The following ZNF692 variants were observed in gnomAD, a reference collection of about 807,000 sequenced individuals.
ZNF692 encodes the protein zinc finger protein 692.
A neutral mutation model predicts 49.0 loss-of-function variants in ZNF692; 41 were observed. The ratio of observed to expected loss-of-function variants is 0.84; its 90% confidence interval spans 0.65 to 1.08. ZNF692 has a LOEUF of 1.08. Among genes scored for constraint, ZNF692 ranks in the 50% least tolerant of loss-of-function variants. The pLI is 0.00. For synonymous variants in ZNF692, 288 were observed against 251.5 expected (o/e 1.15, Z -1.37); for missense variants, 662 against 662.2 (o/e 1.00, Z 0.00).
At chr1:248,856,055 A>G (rs1660196707) in intron 6 of ZNF692, 109 bp from the exon 7 acceptor site, 1 of 1,281,540 alleles carries the variant, frequency 7.8e-7, no homozygotes, top group Middle Eastern at 2.6e-4. Context: ...AAACAACCCT[A>G]CCCCCACCCT....
chr1:248,857,728 C>T (rs994973380), intron 3 of ZNF692, 100 bp downstream of exon 3: 24 of 1,536,074 alleles, frequency 1.6e-5, no homozygotes, highest in Admixed American at 7.9e-5. Flanking sequence ...CCCCACCCTT[C>T]CCAAACTTAC....
At chr1:248,856,687 T>C in intron 4 of ZNF692, 125 bp from the exon 5 acceptor site, 1 of 1,198,558 alleles carries the variant, frequency 8.3e-7, no homozygotes, top group Non-Finnish European at 1.2e-6. Flanking sequence ...GGGGTCTCAC[T>C]ATGTTGCCCA....
Position 248,856,390 on chromosome 1 carries a change from G to T in ZNF692, c.557C>A (p.Pro186His). ...TTCCTCACCCTCTTCCTCTCCTGGAGGTGGGAAGGTCTCTGGTGGGGGTCC... is the reference window on the plus strand; with the variant it reads ...TTCCTCACCCTCTTCCTCTCCTGGATGTGGGAAGGTCTCTGGTGGGGGTCC... ...RVGPPPETFP[P>H]PGEEEGEEEE... Residue 186 changes from proline (P) to histidine (H), a missense_variant, in exon 6 of 12, where the codon CCT (proline) becomes CAT (histidine). Physicochemically the swap from Pro to His is moderately conservative, Grantham distance 77. Transcript: ENST00000306601. 6.2e-7 allele frequency: 1 copy of T among 1,612,998 alleles called. No homozygotes were observed. The highest frequency in any genetic ancestry group is 8.5e-7 in the Non-Finnish European group (1 of 1,179,336).
intron 4 of ZNF692, 61 bp downstream of exon 4, chr1:248,857,173 A>G: frequency 6.6e-7 from 1 of 1,506,618 alleles, no homozygotes; most frequent in Non-Finnish European, 9.0e-7. Context: ...GTTCTGAGCT[A>G]CAGAAAATGG....
Position 248,850,406 on chromosome 1 carries a change from T to C in ZNF692, c.1364A>G (p.Lys455Arg). 2 of 1,614,190 alleles carry C rather than the reference T, an allele frequency of 1.2e-6. No homozygotes were observed. The highest frequency in any genetic ancestry group is 1.7e-6 in the Non-Finnish European group (2 of 1,180,012). ...ALRFPCEFCG[K>R]RFEKPDSVAA... The stretch of plus-strand genomic sequence containing the variant: ...AACACTGTCTGGCTTCTCAAAGCGC[T>C]TGCCGCAGAATTCACAGGGGAAGCG... Residue 455 changes from lysine to arginine, a missense_variant, in exon 12 of 12, where the codon AAG becomes AGG. Coordinates refer to ENST00000306601, the MANE Select transcript of ZNF692 (RefSeq NM_017865.4).
rs1342781052 is a variant in ZNF692 at position 248,850,672 on chromosome 1, C to G, written c.1253+10G>C. Reference sequence around the variant, plus strand: ...AGCCCCTGGCCCTCAGACCCCACCCCAGCACTCACTGCAGGGGTTTTTCTC... The same window carrying G: ...AGCCCCTGGCCCTCAGACCCCACCCGAGCACTCACTGCAGGGGTTTTTCTC... On this transcript the variant is annotated intron_variant, in intron 11 of 11. Transcript: ENST00000306601. The G allele has an allele frequency of 6.2e-7, 1 of 1,614,064 alleles. No individual in the cohort carries two copies. The highest frequency in any genetic ancestry group is 1.7e-5 in the Admixed American group (1 of 60,026).
intron 10 of ZNF692, 56 bp downstream of exon 10, chr1:248,853,881 G>T: frequency 7.2e-7 from 1 of 1,395,464 alleles, no homozygotes; most frequent in Non-Finnish European, 1.0e-6. Flanking sequence ...AGGGTGACGG[G>T]ACCCACAAAG....
intron 4 of ZNF692, 93 bp downstream of exon 4, chr1:248,857,141 A>T (rs890967437): frequency 7.6e-7 from 1 of 1,318,110 alleles, no homozygotes; most frequent in Non-Finnish European, 1.0e-6. Flanking sequence ...CCATTGAAAA[A>T]GGATCATTTT....
intron 10 of ZNF692, among the ~76,000 whole-genome samples, chr1:248,851,153 T>C (rs1157125425): frequency 2.0e-5 from 3 of 152,106 alleles, no homozygotes; most frequent in Non-Finnish European, 4.4e-5. Flanking sequence ...TTGAAGGCAG[T>C]GGGCAGCAGC....
chr1:248,851,203 A>C (rs1659545717), intron 10 of ZNF692, among the ~76,000 whole-genome samples: 1 of 152,096 alleles, frequency 6.6e-6, no homozygotes, highest in Non-Finnish European at 1.5e-5. Context: ...ATTAGGATTG[A>C]AGCTCAAGGC....
Position 248,858,840 on chromosome 1 carries a change from G to C in ZNF692, c.-13+78C>G, listed in dbSNP as rs1660563635. ...CACCCCCACTTAATGCTGACAGTGA[G>C]TGGAGCGGACTAATCCCAATGGCAG... On this transcript the variant is annotated intron_variant, in intron 1 of 11. Transcript: ENST00000306601. This position sits in a 1 kb window ranked among gnomAD's most constrained non-coding sequence, Gnocchi z 4.3. 3.9e-6 allele frequency: 2 copies of C among 513,492 alleles called. No individual in the cohort carries two copies. Among genetic ancestry groups the C allele is most frequent in the Non-Finnish European group, 7.1e-6 (2 of 280,986 alleles). The allele number at this position is 513,492 out of a possible 1,614,324, so 31.8% of individuals were successfully genotyped here. A position where few individuals can be genotyped will look rare whatever the true frequency, so the allele number is the denominator to read the frequency against.
At chr1:248,851,681 C>T (rs903642153) in intron 10 of ZNF692, among the ~76,000 whole-genome samples, 5 of 152,126 alleles carry the variant, frequency 3.3e-5, no homozygotes, top group Non-Finnish European at 7.4e-5. Flanking sequence ...CCCTCTGTTC[C>T]CTCACCTCAC....
rs143276057 is a variant in ZNF692 at position 248,857,434 on chromosome 1, C to A, written c.275G>T (p.Arg92Leu). ...YLVLLSHAHSRECSLVPGLRG... is the reference protein window; with the variant it reads ...YLVLLSHAHSLECSLVPGLRG... ...AAGCCCGGGCACCAGGCTGCACTCTCGGCTGTGGGCATGAGACAAGAGCAC... is the reference window on the plus strand; with the variant it reads ...AAGCCCGGGCACCAGGCTGCACTCTAGGCTGTGGGCATGAGACAAGAGCAC... Residue 92 changes from arginine (R) to leucine (L), a missense_variant, in exon 4 of 12, where the codon CGA becomes CTA. Coordinates refer to ENST00000306601, the MANE Select transcript of ZNF692 (RefSeq NM_017865.4). 6.2e-7 allele frequency: 1 copy of A among 1,614,056 alleles called. No homozygotes were observed. Among genetic ancestry groups the A allele is most frequent in the Non-Finnish European group, 8.5e-7 (1 of 1,180,014 alleles).
At position 248,857,897 on chromosome 1, in the gene ZNF692, G is replaced by A. The variant is rs756760174; in HGVS notation, c.180-38C>T. On this transcript the variant is annotated intron_variant, in intron 2 of 11. Coordinates refer to ENST00000306601, the MANE Select transcript of ZNF692 (RefSeq NM_017865.4). ...GAAGAGGCAGGTCAGGACTCAGGTGGCCAGCCACCCTCAGCCCTGGGCACT... is the reference window on the plus strand; with the variant it reads ...GAAGAGGCAGGTCAGGACTCAGGTGACCAGCCACCCTCAGCCCTGGGCACT... The A allele has an allele frequency of 5.2e-5, 83 of 1,610,052 alleles. 1 individual carries two copies. The Middle Eastern group carries it at 2.6e-3, about 51-fold the overall frequency.
rs774744998 is a variant in ZNF692, at chr1:248,850,778, G to A, written c.1157C>T (p.Thr386Ile). The stretch of plus-strand genomic sequence containing the variant: ...GCAGAACTCACAGATGTAGTCCCGG[G>A]TGTCTGCAGGCATATGAGGGACACT... ...LKEHMKLHSD[T>I]RDYICEFCAR... Residue 386 changes from threonine (T) to isoleucine (I), a missense_variant, in exon 11 of 12, where the codon ACC becomes ATC. By Grantham distance (89) the Thr-to-Ile change is moderately conservative. Transcript: ENST00000306601. 1.2e-6 allele frequency: 2 copies of A among 1,614,056 alleles called. No homozygotes were observed. The highest frequency in any genetic ancestry group is 1.7e-6 in the Non-Finnish European group (2 of 1,179,982).
At chr1:248,857,658 A>G in intron 3 of ZNF692, 161 bp from the exon 4 acceptor site, 1 of 1,466,984 alleles carries the variant, frequency 6.8e-7, no homozygotes, top group Non-Finnish European at 9.0e-7. Context: ...ATCCTGAGAC[A>G]TTGCTCCCTT....
Position 248,857,121 on chromosome 1 carries a change from T to C in ZNF692, c.475+113A>G, listed in dbSNP as rs749111672. On this transcript the variant is annotated intron_variant, in intron 4 of 11. Transcript: ENST00000306601. ...GTATTTGATGATATATTTGTCAAGA[T>C]AGAGTTTTTCCATTGAAAAAGGATC... 2.4e-5 allele frequency: 27 copies of C among 1,128,048 alleles called. No individual in the cohort carries two copies. In the Middle Eastern group the frequency reaches 6.3e-4, roughly 26 times the overall value. The allele number at this position is 1,128,048 out of a possible 1,614,324, so 69.9% of individuals were successfully genotyped here.
intron 11 of ZNF692, 62 bp from the exon 12 acceptor site, chr1:248,850,578 GGT>G: frequency 6.3e-7 from 1 of 1,591,090 alleles, no homozygotes; most frequent in Non-Finnish European, 8.6e-7. Flanking sequence ...TTCCCTAGGG[GGT>G]TCCTCCTGCT....
intron 11 of ZNF692, 46 bp from the exon 12 acceptor site, chr1:248,850,562 C>T: frequency 6.3e-7 from 1 of 1,589,558 alleles, no homozygotes; most frequent in East Asian, 2.3e-5. Context: ...CTCAGGCCAT[C>T]ATGACTTCCC....
Sources: allele counts gnomAD v4.1 joint callset (sites outside exome capture counted in the v4.1 genomes callset), GRCh38; gene constraint gnomAD v4.1.1; non-coding constraint Gnocchi (gnomAD v3.1); transcripts MANE v1.5; gene names NCBI Gene and HGNC (gene_info 2026-07-23, HGNC 2026-07-21).